The following NUP35 variants were observed in gnomAD, a reference collection of about 807,000 sequenced individuals.
NUP35 encodes the protein nucleoporin NUP35.
Under a neutral mutation model 41.5 loss-of-function variants are expected in NUP35, and 25 were observed. The observed-to-expected ratio is 0.60, with a 90% confidence interval of 0.44 to 0.84. NUP35 has a LOEUF of 0.84. Among genes scored for constraint, NUP35 ranks in the 40% least tolerant of loss-of-function variants. The pLI is 0.00. For missense variants in NUP35, 396 were observed against 396.6 expected, an observed-to-expected ratio of 1.00 and a Z score of 0.01; for synonymous variants, 149 against 130.7, an observed-to-expected ratio of 1.14 and a Z score of -0.96.
At chr2:183,145,385 G>A (rs1044497108) in intron 4 of NUP35, among the ~76,000 whole-genome samples, 1 of 152,168 alleles carries the variant, frequency 6.6e-6, no homozygotes, top group African/African-American at 2.4e-5. Flanking sequence ...TTTCCTTTGA[G>A]TGTTATGCTG....
chr2:183,145,730 A>T (rs1365582142), intron 4 of NUP35, among the ~76,000 whole-genome samples: 1 of 152,230 alleles, frequency 6.6e-6, no homozygotes, highest in East Asian at 1.9e-4. Context: ...TAAAAAGTTA[A>T]CTGTTGTTAG....
At position 183,130,462 on chromosome 2, in the gene NUP35, A is replaced by G; in HGVS notation, c.256A>G (p.Ser86Gly). The change falls in exon 3 of 9, where the codon AGT (serine) becomes GGT (glycine). Residue 86 changes from serine to glycine, a missense_variant. Coordinates refer to ENST00000295119, the MANE Select transcript of NUP35 (RefSeq NM_138285.5). ...AGTTGTACCAGCTCATAAAGATAAA[A>G]GTGGCGCTCCACCAGTTAGAAGTAT... ...QPVVPAHKDKSGAPPVRSIYD... is the reference protein window; with the variant it reads ...QPVVPAHKDKGGAPPVRSIYD... 2 of 1,612,548 alleles carry G rather than the reference A, an allele frequency of 1.2e-6. No homozygotes were observed. Among genetic ancestry groups the G allele is most frequent in the Non-Finnish European group, 1.7e-6 (2 of 1,179,750 alleles).
chr2:183,130,851 C>A, intron 3 of NUP35: 2 of 753,312 alleles, frequency 2.7e-6, no homozygotes, highest in South Asian at 3.1e-5. Context: ...TGGTTTAAAT[C>A]ATTCTGATTG....
intron 4 of NUP35, among the ~76,000 whole-genome samples, chr2:183,137,238 C>A (rs955053159): frequency 6.6e-6 from 1 of 152,130 alleles, no homozygotes; most frequent in Non-Finnish European, 1.5e-5. Flanking sequence ...TTAAGCTGAT[C>A]AAACTGTAAC....
upstream of NUP35, among the ~76,000 whole-genome samples, chr2:183,120,732 G>A (rs1291100474): frequency 6.6e-6 from 1 of 152,180 alleles, no homozygotes; most frequent in Non-Finnish European, 1.5e-5. Context: ...TTTAGTGAGA[G>A]AGTTGGGCTC....
At chr2:183,144,512 T>C (rs1275963969) in intron 4 of NUP35, among the ~76,000 whole-genome samples, 1 of 152,238 alleles carries the variant, frequency 6.6e-6, no homozygotes, top group African/African-American at 2.4e-5. Flanking sequence ...TTAATCTCTT[T>C]TGTTTTCATT....
chr2:183,117,825 A>T (rs891460546), intron 1 of NUP35, among the ~76,000 whole-genome samples: 3 of 152,190 alleles, frequency 2.0e-5, no homozygotes, highest in Non-Finnish European at 4.4e-5. Context: ...GTGTGGATAT[A>T]TTAAACTTAT....
chr2:183,135,536 G>T (rs1217226327), intron 4 of NUP35, among the ~76,000 whole-genome samples: 1 of 152,174 alleles, frequency 6.6e-6, no homozygotes, highest in Non-Finnish European at 1.5e-5. Flanking sequence ...GACTGTTGCT[G>T]GGTTCAACTA....
intron 4 of NUP35, among the ~76,000 whole-genome samples, chr2:183,143,821 A>G (rs780543642): frequency 6.6e-6 from 1 of 152,176 alleles, no homozygotes. Context: ...TTTGCAAGGG[A>G]TTATAAGTGA....
At chr2:183,153,288 A>C (rs955617946) in intron 5 of NUP35, among the ~76,000 whole-genome samples, 1 of 152,178 alleles carries the variant, frequency 6.6e-6, no homozygotes, top group Non-Finnish European at 1.5e-5. Flanking sequence ...TCACGTTTCA[A>C]AACCAATCAT....
intron 5 of NUP35, among the ~76,000 whole-genome samples, chr2:183,152,683 T>A (rs1685512335): frequency 1.3e-5 from 2 of 152,204 alleles, no homozygotes; most frequent in South Asian, 4.1e-4. Context: ...TATATATCTA[T>A]CACAGTAAAA....
rs926622383 is a variant in NUP35 at position 183,124,771 on chromosome 2, G to A, written c.40+274G>A. Among the ~76,000 whole-genome samples, 5 of 152,330 alleles carry A rather than the reference G, an allele frequency of 3.3e-5. No individual in the cohort carries two copies. In the East Asian group the frequency reaches 9.7e-4, roughly 29 times the overall value. ...GCTGTGTTTGTGCCCCCACACGCCA[G>A]CCACGTTAGACTGGCCCATACCTTA... On this transcript the variant is annotated intron_variant, in intron 1 of 8. Transcript: ENST00000295119.
In NUP35 at chr2:183,128,342, C is replaced by G. The variant is rs772727621; in HGVS notation, c.96C>G (p.Ala32=). ...SPTSPKPGVN[A]QFLPGFLMGD... is the part of the protein sequence containing the mutation. ...CATCTCCAAAGCCAGGAGTTAATGC[C>G]CAGTTCTTACCTGGATTTTTAATGG... is the stretch of plus-strand genomic sequence containing the variant. Residue 32 remains alanine, a synonymous_variant, in exon 2 of 9, where the codon GCC becomes GCG. Transcript: ENST00000295119. The G allele has an allele frequency of 1.9e-6, 3 of 1,613,718 alleles. No individual in the cohort carries two copies. The highest frequency in any genetic ancestry group is 2.5e-6 in the Non-Finnish European group (3 of 1,179,820).
intron 3 of NUP35, chr2:183,130,978 T>C: frequency 8.3e-7 from 1 of 1,205,626 alleles, no homozygotes; most frequent in Non-Finnish European, 1.1e-6. Context: ...CTTGTCTTTA[T>C]TTTCTTCTTT....
At position 183,130,412 on chromosome 2, in the gene NUP35, C is replaced by T; in HGVS notation, c.212-6C>T. 3.1e-6 allele frequency: 4 copies of T among 1,273,450 alleles called. No homozygotes were observed. Among genetic ancestry groups the T allele is most frequent in the South Asian group, 1.3e-5 (1 of 76,430 alleles). The allele number at this position is 1,273,450 out of a possible 1,614,324, so 78.9% of individuals were successfully genotyped here. A position where few individuals can be genotyped will look rare whatever the true frequency, so the allele number is the denominator to read the frequency against. On this transcript the variant is annotated splice_region_variant and splice_polypyrimidine_tract_variant and intron_variant, in intron 2 of 8. Transcript: ENST00000295119. ...CTTTTTTTTTTTTTTTTTTTGTACA[C>T]TGTAGGTGGGTCACCACCACAACCA... is the stretch of plus-strand genomic sequence containing the variant.
chr2:183,145,031 TGTA>T (rs1215259660), intron 4 of NUP35, among the ~76,000 whole-genome samples: 1 of 152,236 alleles, frequency 6.6e-6, no homozygotes, highest in East Asian at 1.9e-4. Context: ...TGGTAATACT[TGTA>T]GACTGTAGAA....
chr2:183,157,434 T>G lies in NUP35; in HGVS notation c.540-10T>G. On this transcript the variant is annotated splice_polypyrimidine_tract_variant and intron_variant, in intron 5 of 8. Coordinates refer to ENST00000295119, the MANE Select transcript of NUP35 (RefSeq NM_138285.5). Reference sequence around the variant, plus strand: ...AGCTGACGTTTTCTTTGGACAACTCTTTTTTTCAGGTTTCCTCAAGCATCT... The same window carrying G: ...AGCTGACGTTTTCTTTGGACAACTCGTTTTTTCAGGTTTCCTCAAGCATCT... 1 of 1,599,456 alleles carries G rather than the reference T, an allele frequency of 6.3e-7. No homozygotes were observed. The highest frequency in any genetic ancestry group is 1.7e-4 in the Middle Eastern group (1 of 6,026).
At chr2:183,157,765 TAC>T in intron 6 of NUP35, among the ~76,000 whole-genome samples, 1 of 152,150 alleles carries the variant, frequency 6.6e-6, no homozygotes, top group Admixed American at 6.5e-5. Context: ...TTAAACAGTT[TAC>T]AGTCTTAAAA....
At chr2:183,119,858 T>G (rs1700041900), upstream of NUP35, 1 of 152,156 alleles carries the variant, frequency 6.6e-6, no homozygotes, top group African/African-American at 2.4e-5. Flanking sequence ...GGGATTTTAT[T>G]TTTGAAGCCA....
Sources: gnomAD v4.1 joint callset for allele counts (sites outside exome capture counted in the v4.1 genomes callset) on GRCh38, gnomAD v4.1.1 for gene constraint, MANE v1.5 for transcripts, NCBI Gene and HGNC (gene_info 2026-07-23, HGNC 2026-07-21) for gene names.